WDTC1: variants seen among roughly 807,000 people sequenced by gnomAD.
WDTC1 encodes the protein WD and tetratricopeptide repeats protein 1.
WDTC1 carries 12 observed loss-of-function variants against 76.0 expected under a neutral mutation model. The observed-to-expected ratio is 0.16, with a 90% CI of 0.10 to 0.26. The LOEUF is 0.26. WDTC1 is among the 10% of genes least tolerant of loss of function. The pLI is 1.00. For missense variants in WDTC1, 511 were observed against 908.8 expected (o/e 0.56, Z 5.63); for synonymous variants, 326 against 350.8 (o/e 0.93, Z 0.79).
intron 1 of WDTC1, among the ~76,000 whole-genome samples, chr1:27,258,304 G>A (rs1330887847): frequency 5.3e-5 from 8 of 151,558 alleles, no homozygotes; most frequent in Non-Finnish European, 7.4e-5. Flanking sequence ...AGACTGAGGC[G>A]GGCGGATCAC....
intron 1 of WDTC1, among the ~76,000 whole-genome samples, chr1:27,258,095 T>A (rs947031763): frequency 6.6e-5 from 10 of 151,058 alleles, no homozygotes; most frequent in Admixed American, 4.6e-4. Flanking sequence ...GCGGTTCTTG[T>A]CTTTTAAAGA....
At chr1:27,240,972 C>CAAAAA (rs10683474) in intron 1 of WDTC1, among the ~76,000 whole-genome samples, 8 of 137,344 alleles carry the variant, frequency 5.8e-5, no homozygotes, top group Admixed American at 1.5e-4. Flanking sequence ...GACTCCATCT[C>CAAAAA]AAAAAAAAAA....
rs1280116924 is a variant in WDTC1 at position 27,306,545 on chromosome 1, T to C, written c.*162T>C. On this transcript the variant is annotated 3_prime_UTR_variant, in exon 16 of 16. Transcript: ENST00000319394. The surrounding 1 kb of genome is among the most constrained non-coding windows in gnomAD (Gnocchi z 5.0). ...CGTTAGGGGTGGAGGTTGCTACAAC[T>C]TGCTGGCTTTCGGACTCTGGGCTGA... The C allele has an allele frequency of 1.1e-6, 1 of 923,322 alleles. No homozygotes were observed. The highest frequency in any genetic ancestry group is 1.7e-5 in the African/African-American group (1 of 59,842). The allele number at this position is 923,322 out of a possible 1,614,324, so 57.2% of individuals were successfully genotyped here.
chr1:27,244,015 T>C (rs1273323999), intron 1 of WDTC1, among the ~76,000 whole-genome samples: 1 of 149,742 alleles, frequency 6.7e-6, no homozygotes, highest in East Asian at 2.0e-4. Flanking sequence ...GGGTGGTGCA[T>C]GCCCGTGGTC....
In WDTC1 at chr1:27,265,564, T is replaced by A. The variant is rs964548986; in HGVS notation, c.132+2329T>A. 4.3e-4 allele frequency among the ~76,000 whole-genome samples: 66 copies of A among 151,750 alleles called. 1 individual carries two copies. Among genetic ancestry groups the A allele is most frequent in the African/African-American group, 1.5e-3 (61 of 41,260 alleles). ...TATTTGGGAGGCTAAAATGGGAGAATCACTTGGGCCCAGGAGGTTAAGCCT... is the reference window on the plus strand; with the variant it reads ...TATTTGGGAGGCTAAAATGGGAGAAACACTTGGGCCCAGGAGGTTAAGCCT... On this transcript the variant is annotated intron_variant, in intron 3 of 15. Transcript: ENST00000319394.
At chr1:27,237,280 C>T (rs1039964677) in intron 1 of WDTC1, among the ~76,000 whole-genome samples, 1 of 152,186 alleles carries the variant, frequency 6.6e-6, no homozygotes, top group African/African-American at 2.4e-5. Context: ...ACTCTCTTCT[C>T]TCTTTTTAAA....
chr1:27,280,076 A>G (rs2147957423), intron 3 of WDTC1, among the ~76,000 whole-genome samples: 1 of 152,362 alleles, frequency 6.6e-6, no homozygotes, highest in South Asian at 2.1e-4. Context: ...AACTTGCTCA[A>G]GGAAATACAG....
intron 1 of WDTC1, among the ~76,000 whole-genome samples, chr1:27,251,033 A>AT (rs71584875): frequency 0.12 from 3,559 of 28,620 alleles, 1,535 homozygotes; most frequent in East Asian, 0.28. Context: ...CTCCTGGCTA[A>AT]TTTTTTTTTT....
At chr1:27,262,110 T>G (rs145787260) in intron 2 of WDTC1, among the ~76,000 whole-genome samples, 2 of 151,776 alleles carry the variant, frequency 1.3e-5, no homozygotes, top group African/African-American at 4.8e-5. Context: ...TTTGTATTTT[T>G]AGTAGAGACG....
In WDTC1 at chr1:27,297,067, G is replaced by A; in HGVS notation, c.969G>A (p.Met323Ile). The A allele has an allele frequency of 6.2e-7, 1 of 1,614,054 alleles. No individual in the cohort carries two copies. Among genetic ancestry groups the A allele is most frequent in the South Asian group, 1.1e-5 (1 of 91,078 alleles). ...TGCCAGAAGTCCAGAATGGCAAGAT[G>A]TCCACCAACGGTGTGTCCAACGGTG... ...HSSGEVQNGKMSTNGVSNGVS... is the reference protein window; with the variant it reads ...HSSGEVQNGKISTNGVSNGVS... Residue 323 changes from methionine (M) to isoleucine (I), a missense_variant, in exon 11 of 16, where the codon ATG (methionine) becomes ATA (isoleucine). By Grantham distance (10) the Met-to-Ile change is conservative. Transcript: ENST00000319394.
At chr1:27,242,637 T>C (rs920114843) in intron 1 of WDTC1, among the ~76,000 whole-genome samples, 3 of 152,126 alleles carry the variant, frequency 2.0e-5, no homozygotes, top group Non-Finnish European at 4.4e-5. Context: ...GCCTGGCTAA[T>C]TTTTTGTATT....
intron 2 of WDTC1, 43 bp from the exon 3 acceptor site, chr1:27,263,095 ATAATAAATCATATT>A: frequency 6.3e-7 from 1 of 1,588,396 alleles, no homozygotes. Context: ...TAATAGGCAC[ATAATAAATCATATT>A]TAATTGAATC....
At chr1:27,252,828 T>C (rs2012124719) in intron 1 of WDTC1, among the ~76,000 whole-genome samples, 1 of 151,744 alleles carries the variant, frequency 6.6e-6, no homozygotes, top group African/African-American at 2.4e-5. Context: ...AAAAAGTTAC[T>C]TGTGGTCTGT....
chr1:27,241,906 T>G (rs373864384), intron 1 of WDTC1, among the ~76,000 whole-genome samples: 3 of 151,704 alleles, frequency 2.0e-5, no homozygotes, highest in African/African-American at 7.3e-5. Flanking sequence ...TTTTGTTTTT[T>G]TTTTTTTGAG....
chr1:27,296,224 G>A, intron 9 of WDTC1, 102 bp from the exon 10 acceptor site: 1 of 1,345,286 alleles, frequency 7.4e-7, no homozygotes, highest in Non-Finnish European at 1.1e-6. Flanking sequence ...CACTCACTGT[G>A]TTCCAAGACT....
In WDTC1 at chr1:27,255,398, A is replaced by G. The variant is rs562134926; in HGVS notation, c.-99-5558A>G. 5 of 152,268 alleles carry G rather than the reference A, an allele frequency of 3.3e-5. No individual in the cohort carries two copies. In the South Asian group the frequency reaches 8.3e-4, roughly 25 times the overall value. 9.4% of individuals were successfully genotyped at this position (152,268 alleles called of 1,614,324 possible). A position where few individuals can be genotyped will look rare whatever the true frequency, so the allele number is the denominator to read the frequency against. Reference sequence around the variant, plus strand: ...ATATTGTGAAAATTGTTGCATGTCTATGAATATGTTTCCTCATATGTAAAA... The same window carrying G: ...ATATTGTGAAAATTGTTGCATGTCTGTGAATATGTTTCCTCATATGTAAAA... On this transcript the variant is annotated intron_variant, in intron 1 of 15. Coordinates refer to ENST00000319394, the MANE Select transcript of WDTC1 (RefSeq NM_001276252.2).
intron 7 of WDTC1, among the ~76,000 whole-genome samples, chr1:27,293,537 C>T (rs1407017473): frequency 6.6e-6 from 1 of 151,254 alleles, no homozygotes; most frequent in African/African-American, 2.4e-5. Context: ...ATATAAATCT[C>T]TTATAGTGTC....
intron 6 of WDTC1, among the ~76,000 whole-genome samples, chr1:27,291,615 C>T (rs1299672150): frequency 6.6e-6 from 1 of 152,170 alleles, no homozygotes; most frequent in East Asian, 1.9e-4. Flanking sequence ...TTTGGCATTA[C>T]CTTTACTGCG....
intron 11 of WDTC1, 137 bp downstream of exon 11, chr1:27,297,293 G>T (rs1033536964): frequency 2.6e-6 from 2 of 779,700 alleles, no homozygotes; most frequent in African/African-American, 3.5e-5. Context: ...AAGGCAAAGA[G>T]CCTTCTTGGA....
Sources: allele counts gnomAD v4.1 joint callset (sites outside exome capture counted in the v4.1 genomes callset), GRCh38; gene constraint gnomAD v4.1.1; non-coding constraint Gnocchi (gnomAD v3.1); transcripts MANE v1.5; gene names NCBI Gene and HGNC (gene_info 2026-07-23, HGNC 2026-07-21).